Variants in CPNE4 observed in about 807,000 individuals in gnomAD.
CPNE4 encodes the protein copine-4.
A neutral mutation model predicts 67.9 loss-of-function variants in CPNE4; 25 were observed. The observed-to-expected ratio is 0.37, with a 90% confidence interval of 0.27 to 0.51. CPNE4 has a LOEUF of 0.51. CPNE4 is among the 20% of genes least tolerant of loss of function. The pLI is 0.93. For synonymous variants in CPNE4, 242 were observed against 244.9 expected, an observed-to-expected ratio of 0.99 and a Z score of 0.11; for missense variants, 464 against 690.8, an observed-to-expected ratio of 0.67 and a Z score of 3.68.
chr3:131,665,295 T>A (rs913040689), intron 7 of CPNE4, among the ~76,000 whole-genome samples: 1 of 152,138 alleles, frequency 6.6e-6, no homozygotes, highest in African/African-American at 2.4e-5. Flanking sequence ...TCCACTGCCA[T>A]CTATCACATT....
At chr3:131,819,520 A>ACACG (rs755748392) in intron 2 of CPNE4, among the ~76,000 whole-genome samples, 1 of 147,314 alleles carries the variant, frequency 6.8e-6, no homozygotes, top group Admixed American at 6.8e-5. Flanking sequence ...ACACACACAC[A>ACACG]CACGCACAGT....
chr3:131,923,059 G>C (rs1390105972), intron 1 of CPNE4, among the ~76,000 whole-genome samples: 5 of 152,150 alleles, frequency 3.3e-5, no homozygotes, highest in African/African-American at 1.2e-4. Flanking sequence ...TTATAAGTTG[G>C]ACCAGTTCAT....
intron 2 of CPNE4, among the ~76,000 whole-genome samples, chr3:131,901,737 G>T (rs528778471): frequency 3.9e-5 from 6 of 152,170 alleles, no homozygotes; most frequent in African/African-American, 7.2e-5. Context: ...CAGCTGTTTG[G>T]TTCTGGGACT....
chr3:131,961,478 G>T (rs1185734970), intron 1 of CPNE4, among the ~76,000 whole-genome samples: 3 of 152,148 alleles, frequency 2.0e-5, no homozygotes, highest in Non-Finnish European at 2.9e-5. Context: ...CCAGGGATAG[G>T]AATTGAGCCA....
chr3:131,699,155 A>G (rs1300432455), intron 4 of CPNE4, among the ~76,000 whole-genome samples: 2 of 152,164 alleles, frequency 1.3e-5, no homozygotes, highest in Non-Finnish European at 2.9e-5. Context: ...TCGAACTTTC[A>G]AATACCAGGC....
At chr3:131,610,722 T>C (rs1038901910) in intron 7 of CPNE4, among the ~76,000 whole-genome samples, 3 of 152,198 alleles carry the variant, frequency 2.0e-5, no homozygotes, top group Non-Finnish European at 2.9e-5. Context: ...GGAAACACTT[T>C]CACATGAATC....
chr3:131,555,591 T>C, intron 11 of CPNE4, 40 bp from the exon 12 acceptor site: 1 of 1,532,130 alleles, frequency 6.5e-7, no homozygotes, highest in Non-Finnish European at 9.0e-7. Context: ...AAGAAGTTGC[T>C]TCATTTATTC....
At chr3:131,824,468 C>T (rs936403984) in intron 2 of CPNE4, among the ~76,000 whole-genome samples, 1 of 152,120 alleles carries the variant, frequency 6.6e-6, no homozygotes, top group African/African-American at 2.4e-5. Flanking sequence ...GATGAAAATA[C>T]AGCATGACCT....
intron 2 of CPNE4, among the ~76,000 whole-genome samples, chr3:131,822,757 T>C (rs1283181120): frequency 6.6e-6 from 1 of 152,234 alleles, no homozygotes; most frequent in Non-Finnish European, 1.5e-5. Context: ...TTTAAACTTG[T>C]TTGTTTTTTA....
intron 6 of CPNE4, among the ~76,000 whole-genome samples, chr3:131,676,374 T>C (rs2080569052): frequency 6.6e-6 from 1 of 152,104 alleles, no homozygotes; most frequent in African/African-American, 2.4e-5. Context: ...TTTTATTTAT[T>C]TATTTTTAAC....
At chr3:131,923,277 A>T (rs530377149) in intron 1 of CPNE4, among the ~76,000 whole-genome samples, 2 of 152,324 alleles carry the variant, frequency 1.3e-5, no homozygotes, top group South Asian at 4.1e-4. Flanking sequence ...GTGTGTATGT[A>T]TGTATAAAAT....
At chr3:131,656,495 A>G (rs1224137576) in intron 7 of CPNE4, among the ~76,000 whole-genome samples, 1 of 152,204 alleles carries the variant, frequency 6.6e-6, no homozygotes, top group Non-Finnish European at 1.5e-5. Flanking sequence ...AATGTCATCA[A>G]TGGTATCGAG....
chr3:132,032,931 A>C (rs13076253), intron 1 of CPNE4, among the ~76,000 whole-genome samples: 23,225 of 152,272 alleles, frequency 0.15, 1,794 homozygotes, highest in African/African-American at 0.18. Flanking sequence ...ATGTGGTTTA[A>C]CCAGCATATA....
chr3:131,880,510 T>G (rs982104328), intron 2 of CPNE4, among the ~76,000 whole-genome samples: 2 of 152,166 alleles, frequency 1.3e-5, no homozygotes, highest in Admixed American at 6.5e-5. Context: ...CAAATCACAA[T>G]GAAGTGGGAG....
At chr3:131,667,220 T>A (rs977603179) in intron 7 of CPNE4, among the ~76,000 whole-genome samples, 14 of 152,110 alleles carry the variant, frequency 9.2e-5, no homozygotes, top group Non-Finnish European at 1.5e-5. Context: ...AAAATTAGAA[T>A]ATTTTAGTTA....
At chr3:131,864,704 C>G (rs112040528) in intron 2 of CPNE4, among the ~76,000 whole-genome samples, 11,553 of 151,844 alleles carry the variant, frequency 0.076, 577 homozygotes, top group East Asian at 0.17. Context: ...TTATTTCCTT[C>G]TCCTGCTTGA....
intron 7 of CPNE4, among the ~76,000 whole-genome samples, chr3:131,630,927 C>T (rs1333140580): frequency 6.6e-6 from 1 of 152,170 alleles, no homozygotes; most frequent in Non-Finnish European, 1.5e-5. Context: ...TCAGGGTACC[C>T]TGAAGTTCTA....
intron 7 of CPNE4, among the ~76,000 whole-genome samples, chr3:131,613,555 G>T (rs1457800087): frequency 6.6e-6 from 1 of 152,182 alleles, no homozygotes; most frequent in East Asian, 1.9e-4. Context: ...TGGCAAATAT[G>T]AGCCTTGCAA....
chr3:131,549,913 G>T (rs1490959478), intron 14 of CPNE4, 34 bp downstream of exon 14: 7 of 1,609,972 alleles, frequency 4.3e-6, no homozygotes, highest in Non-Finnish European at 5.9e-6. Context: ...GGAAGAGTAA[G>T]CTCCCCTTAG....
Sources: allele counts gnomAD v4.1 joint callset (sites outside exome capture counted in the v4.1 genomes callset), GRCh38; gene constraint gnomAD v4.1.1; transcripts MANE v1.5; gene names NCBI Gene and HGNC (gene_info 2026-07-23, HGNC 2026-07-21).